The following PRPF8 variants were observed in gnomAD, a reference collection of about 807,000 sequenced individuals.
PRPF8 encodes pre-mRNA processing factor 8.
PRPF8 carries 64 observed loss-of-function variants against 285.9 expected under a neutral mutation model. The ratio of observed to expected loss-of-function variants is 0.22; its 90% CI spans 0.18 to 0.28. The LOEUF (loss-of-function observed/expected upper bound fraction) is 0.28. Among genes scored for constraint, PRPF8 ranks in the 10% least tolerant of loss-of-function variants. PRPF8 has a pLI of 1.00. For missense variants in PRPF8, 1,426 were observed against 3,026.7 expected (o/e 0.47, Z 12.41); for synonymous variants, 1,325 against 1,118.2 (o/e 1.18, Z -3.69).
intron 3 of PRPF8, 166 bp downstream of exon 3, chr17:1,683,367 G>A: frequency 1.3e-6 from 1 of 771,080 alleles, no homozygotes; most frequent in Non-Finnish European, 2.2e-6. Context: ...AGGGGAAACA[G>A]ACTGCAAAAG....
At chr17:1,656,235 TTTTAAC>T (rs1052631009) in intron 36 of PRPF8, among the ~76,000 whole-genome samples, 151 bp downstream of exon 36, 1 of 152,204 alleles carries the variant, frequency 6.6e-6, no homozygotes, top group Non-Finnish European at 1.5e-5. Context: ...AAGAGTTGAT[TTTTAAC>T]TTTAAGGTCT....
At chr17:1,671,510 G>C (rs1912313931) in intron 24 of PRPF8, among the ~76,000 whole-genome samples, 3 of 152,106 alleles carry the variant, frequency 2.0e-5, no homozygotes, top group Admixed American at 2.0e-4. Flanking sequence ...TGAATCCAGA[G>C]TCTGAGACCA....
At position 1,675,681 on chromosome 17, in the gene PRPF8, T is replaced by A; in HGVS notation, c.2811A>T (p.Pro937=). ...WYEADKRRLF[P]PWIKPADTEP... ...CTGTGTCTGCAGGCTTAATCCAGGG[T>A]GGGAACAGGCGGCGCTTGTCGGCTT... Residue 937 remains proline, a synonymous_variant, in exon 19 of 43, where the codon CCA becomes CCT. Coordinates refer to ENST00000304992, the MANE Select transcript of PRPF8 (RefSeq NM_006445.4). This position sits in a 1 kb window ranked among gnomAD's most constrained non-coding sequence, Gnocchi z 6.0. 6.2e-7 allele frequency: 1 copy of A among 1,614,006 alleles called. No homozygotes were observed. Among genetic ancestry groups the A allele is most frequent in the East Asian group, 2.2e-5 (1 of 44,872 alleles).
Position 1,668,971 on chromosome 17 carries a change from T to A in PRPF8, c.3774+4110A>T, listed in dbSNP as rs140422885. Among the ~76,000 whole-genome samples the A allele has an allele frequency of 3.7e-3, 556 of 152,316 alleles. 4 individuals carry two copies. Among genetic ancestry groups the A allele is most frequent in the African/African-American group, 0.013 (536 of 41,574 alleles). ...AGAAAAGCTGAAAAACTCAAAATCC[T>A]GTTATAGCTTCCCACTAACCTCATC... is the stretch of plus-strand genomic sequence containing the variant. On this transcript the variant is annotated intron_variant, in intron 24 of 42. Transcript: ENST00000304992.
chr17:1,671,574 G>T (rs939637344), intron 24 of PRPF8, among the ~76,000 whole-genome samples: 9 of 152,106 alleles, frequency 5.9e-5, no homozygotes, highest in South Asian at 2.1e-4. Flanking sequence ...AAATCAGGCC[G>T]GGTGTGGTGG....
intron 24 of PRPF8, chr17:1,672,849 G>A: frequency 1.7e-6 from 1 of 600,530 alleles, no homozygotes; most frequent in Non-Finnish European, 3.0e-6. Flanking sequence ...CCTTAATTTA[G>A]AATCATCACA....
chr17:1,671,870 A>ATT (rs1567685862), intron 24 of PRPF8, among the ~76,000 whole-genome samples: 3 of 151,166 alleles, frequency 2.0e-5, no homozygotes, highest in South Asian at 2.1e-4. Flanking sequence ...AAAAAAAAAA[A>ATT]AAAAATTAAA....
intron 24 of PRPF8, among the ~76,000 whole-genome samples, chr17:1,668,354 C>CTTTTTTT (rs970795981): frequency 1.0e-4 from 11 of 105,576 alleles, no homozygotes; most frequent in East Asian, 2.8e-4. Flanking sequence ...GTCTAGCATT[C>CTTTTTTT]TTTTTTTTTT....
chr17:1,653,363 C>T lies in PRPF8; in HGVS notation c.6369+179G>A. On this transcript the variant is annotated intron_variant, in intron 39 of 42. Transcript: ENST00000304992. This position sits in a 1 kb window ranked among gnomAD's most constrained non-coding sequence, Gnocchi z 4.9. ...ACAATTACTACCTTCTCTCAGCTGCCACAGCTTTTGCTATCTCATGGGGCC... is the reference window on the plus strand; with the variant it reads ...ACAATTACTACCTTCTCTCAGCTGCTACAGCTTTTGCTATCTCATGGGGCC... 3 of 763,804 alleles carry T rather than the reference C, an allele frequency of 3.9e-6. No individual in the cohort carries two copies. Among genetic ancestry groups the T allele is most frequent in the African/African-American group, 1.7e-5 (1 of 58,054 alleles). 47.3% of individuals were successfully genotyped at this position (763,804 alleles called of 1,614,324 possible).
In PRPF8 at chr17:1,679,638, C is replaced by T. The variant is rs182482795; in HGVS notation, c.1260G>A (p.Arg420=). Residue 420 remains arginine, a synonymous_variant, in exon 9 of 43, where the codon CGG becomes CGA. Transcript: ENST00000304992. The surrounding 1 kb of genome is among the most constrained non-coding windows in gnomAD (Gnocchi z 4.7). ...PFNLRSGRTR[R]ALDIPLVKNW... is the part of the protein sequence containing the mutation. ...TCTTGACAAGGGGTATGTCCAGGGCCCGACGGGTGCGACCAGAGCGTAGGT... is the reference window on the plus strand; with the variant it reads ...TCTTGACAAGGGGTATGTCCAGGGCTCGACGGGTGCGACCAGAGCGTAGGT... 21 of 1,613,906 alleles carry T rather than the reference C, an allele frequency of 1.3e-5. 1 individual carries two copies. In the East Asian group the frequency reaches 4.7e-4, roughly 36 times the overall value.
Position 1,658,637 on chromosome 17 carries a change from TG to T in PRPF8, c.5264del (p.Ser1755TyrfsTer34), listed in dbSNP as rs1911520041. On this transcript the variant is annotated frameshift_variant, in exon 33 of 43. Transcript: ENST00000304992. LOFTEE classifies it high-confidence loss of function. This position sits in a 1 kb window ranked among gnomAD's most constrained non-coding sequence, Gnocchi z 4.1. ...ACAAATAAGGCTCAGTGGGTTCAGA[TG>T]AATAGAGCTGTAGCCCCTTGCGGAT... is the stretch of plus-strand genomic sequence containing the variant. ...ERIRKGLQLY[S>X]SEPTEPYLSS... The T allele has an allele frequency of 6.2e-7, 1 of 1,614,100 alleles. No homozygotes were observed. Among genetic ancestry groups the T allele is most frequent in the Non-Finnish European group, 8.5e-7 (1 of 1,180,044 alleles).
At position 1,658,170 on chromosome 17, in the gene PRPF8, T is replaced by G. The variant is rs1911496675; in HGVS notation, c.5505+83A>C. 1 of 1,596,532 alleles carries G rather than the reference T, an allele frequency of 6.3e-7. No individual in the cohort carries two copies. Among genetic ancestry groups the G allele is most frequent in the Non-Finnish European group, 8.6e-7 (1 of 1,167,372 alleles). On this transcript the variant is annotated intron_variant, in intron 34 of 42. Coordinates refer to ENST00000304992, the MANE Select transcript of PRPF8 (RefSeq NM_006445.4). The surrounding 1 kb of genome is among the most constrained non-coding windows in gnomAD (Gnocchi z 4.1). Reference sequence around the variant, plus strand: ...GAGATGTTCTCAGCCTTTCATCTAATAAACCAGTAAATATTACCAAGTCCA... The same window carrying G: ...GAGATGTTCTCAGCCTTTCATCTAAGAAACCAGTAAATATTACCAAGTCCA...
chr17:1,667,705 G>A lies in PRPF8; in HGVS notation c.3774+5376C>T, dbSNP rs145960428. Among the ~76,000 whole-genome samples, 303 of 152,068 alleles carry A rather than the reference G, an allele frequency of 2.0e-3. 2 individuals are homozygous for A. The highest frequency in any genetic ancestry group is 6.8e-3 in the African/African-American group (283 of 41,472). ...ACTACAGACATGTGCCACCACGCCT[G>A]GCTAATTTTTGTATTTTTAGTAGAG... is the stretch of plus-strand genomic sequence containing the variant. On this transcript the variant is annotated intron_variant, in intron 24 of 42. Transcript: ENST00000304992.
rs1239381056 is a variant in PRPF8, at chr17:1,658,537, T to C, written c.5365A>G (p.Thr1789Ala). 1 of 1,612,968 alleles carries C rather than the reference T, an allele frequency of 6.2e-7. No individual in the cohort carries two copies. Among genetic ancestry groups the C allele is most frequent in the Non-Finnish European group, 8.5e-7 (1 of 1,178,900 alleles). ...CTGCTAACACTCACCTTGTGAATAG[T>C]CACTCTGTAGACGTTGGTGTCATCC... ...FVDDTNVYRV[T>A]IHKTFEGNLT... The change falls in exon 33 of 43, where the codon ACT (threonine) becomes GCT (alanine). Residue 1789 changes from threonine (T) to alanine (A), a missense_variant. Physicochemically the swap from Thr to Ala is moderately conservative, Grantham distance 58. This residue lies in a region of PRPF8 where 19 missense variants were observed against 92.8 expected (regional missense o/e 0.20). Transcript: ENST00000304992. The surrounding 1 kb of genome is among the most constrained non-coding windows in gnomAD (Gnocchi z 4.1).
At chr17:1,666,658 C>T (rs1043480091) in intron 24 of PRPF8, among the ~76,000 whole-genome samples, 1 of 151,900 alleles carries the variant, frequency 6.6e-6, no homozygotes, top group African/African-American at 2.4e-5. Flanking sequence ...CACAAAATAC[C>T]AAATGATATA....
At position 1,673,817 on chromosome 17, in the gene PRPF8, G is replaced by C; in HGVS notation, c.3375C>G (p.Ile1125Met). ...AGCACTTCTTGTTATTATAGCCAAC[G>C]ATGTTTTCATTATTGGGGTCAGGGT... ...TEHPDPNNEN[I>M]VGYNNKKCWP... Residue 1125 changes from isoleucine (I) to methionine (M), a missense_variant, in exon 22 of 43, where the codon ATC becomes ATG. Ile to Met is a conservative substitution (Grantham distance 10). Around this residue, in one of 34 missense-constraint regions of PRPF8, gnomAD observed 148 missense variants for 196.2 expected, o/e 0.75. Coordinates refer to ENST00000304992, the MANE Select transcript of PRPF8 (RefSeq NM_006445.4). The surrounding 1 kb of genome is among the most constrained non-coding windows in gnomAD (Gnocchi z 5.5). The C allele has an allele frequency of 1.9e-6, 3 of 1,614,072 alleles. No homozygotes were observed. Among genetic ancestry groups the C allele is most frequent in the Non-Finnish European group, 2.5e-6 (3 of 1,179,998 alleles).
rs1228328845 is a variant in PRPF8, at chr17:1,677,171, A to G, written c.1986T>C (p.Gly662=). Reference sequence around the variant, plus strand: ...TCTTTGCCACCCCCTTTGAGTGTCGACCTGGAAGTAGAGTGTCCCAAGGGG... The same window carrying G: ...TCTTTGCCACCCCCTTTGAGTGTCGGCCTGGAAGTAGAGTGTCCCAAGGGG... The part of the protein sequence containing the change: ...LGNLLARQFE[G]RHSKGVAKTV... Residue 662 remains glycine, a splice_region_variant and synonymous_variant, in exon 15 of 43, where the codon GGT becomes GGC. Coordinates refer to ENST00000304992, the MANE Select transcript of PRPF8 (RefSeq NM_006445.4). 3.7e-6 allele frequency: 6 copies of G among 1,613,122 alleles called. No homozygotes were observed. The highest frequency in any genetic ancestry group is 5.1e-6 in the Non-Finnish European group (6 of 1,179,998).
intron 13 of PRPF8, 52 bp downstream of exon 13, chr17:1,678,464 CAA>C: frequency 4.3e-6 from 7 of 1,612,472 alleles, no homozygotes; most frequent in Non-Finnish European, 5.9e-6. Flanking sequence ...GCCCAAGAGA[CAA>C]GAGTAAGACT....
Position 1,651,066 on chromosome 17 carries a change from T to A in PRPF8, c.6853+42A>T, listed in dbSNP as rs745939004. On this transcript the variant is annotated intron_variant, in intron 42 of 42. Transcript: ENST00000304992. The surrounding 1 kb of genome is among the most constrained non-coding windows in gnomAD (Gnocchi z 5.1). ...TGCAAAGGGCGATGGCCTCACCTTA[T>A]CCCTACTGCTATCCCCACATCCCCA... is the stretch of plus-strand genomic sequence containing the variant. The A allele has an allele frequency of 6.2e-7, 1 of 1,613,822 alleles. No homozygotes were observed. Among genetic ancestry groups the A allele is most frequent in the South Asian group, 1.1e-5 (1 of 91,078 alleles).
Sources: allele counts gnomAD v4.1 joint callset (sites outside exome capture counted in the v4.1 genomes callset), GRCh38; gene constraint gnomAD v4.1.1; regional missense constraint gnomAD v4.1.1; non-coding constraint Gnocchi (gnomAD v3.1); transcripts MANE v1.5; gene names NCBI Gene and HGNC (gene_info 2026-07-23, HGNC 2026-07-21).